The following XKR4 variants were observed in gnomAD, a reference collection of about 807,000 sequenced individuals.
The protein encoded by XKR4 is XK related 4.
Under a neutral mutation model 53.9 loss-of-function variants are expected in XKR4, and 12 were observed. That is an observed-to-expected ratio of 0.22 (90% CI 0.14 to 0.36). XKR4 has a LOEUF of 0.36. Ranked by LOEUF, XKR4 falls within the 10% of genes least tolerant of loss-of-function variation. The pLI, the probability that XKR4 is intolerant of heterozygous loss-of-function variation, is 1.00. For missense variants in XKR4, 799 were observed against 859.5 expected (o/e 0.93, Z 0.88); for synonymous variants, 354 against 362.4 (o/e 0.98, Z 0.26).
At chr8:55,269,185 A>G (rs942851662) in intron 1 of XKR4, among the ~76,000 whole-genome samples, 203 of 152,156 alleles carry the variant, frequency 1.3e-3, no homozygotes, top group African/African-American at 4.8e-3. Context: ...AGACAATGTA[A>G]TACATTTTTT....
At chr8:55,140,466 C>T (rs1203199806) in intron 1 of XKR4, among the ~76,000 whole-genome samples, 2 of 152,220 alleles carry the variant, frequency 1.3e-5, no homozygotes, top group Admixed American at 1.3e-4. Flanking sequence ...GCCTGCAGAT[C>T]TCAGTTTAAG....
At chr8:55,116,444 G>A (rs966697943) in intron 1 of XKR4, among the ~76,000 whole-genome samples, 1 of 152,158 alleles carries the variant, frequency 6.6e-6, no homozygotes, top group South Asian at 2.1e-4. Context: ...CAGGTTTACT[G>A]TAAGGAGAAA....
intron 1 of XKR4, among the ~76,000 whole-genome samples, chr8:55,305,280 A>T (rs1400422834): frequency 6.6e-6 from 1 of 152,198 alleles, no homozygotes; most frequent in Admixed American, 6.5e-5. Context: ...CATCTCTGTC[A>T]TTACAGAAAG....
intron 1 of XKR4, among the ~76,000 whole-genome samples, chr8:55,299,174 C>T (rs553247694): frequency 2.6e-5 from 4 of 152,250 alleles, no homozygotes; most frequent in South Asian, 4.1e-4. Flanking sequence ...ACCAGCCAGT[C>T]GTTTTATAGA....
intron 1 of XKR4, among the ~76,000 whole-genome samples, chr8:55,124,964 C>T (rs1486323364): frequency 6.6e-6 from 1 of 152,190 alleles, no homozygotes; most frequent in Non-Finnish European, 1.5e-5. Context: ...TTTGATAATT[C>T]ATCAGAGTAT....
intron 1 of XKR4, among the ~76,000 whole-genome samples, chr8:55,335,319 A>G (rs1279373604): frequency 6.6e-6 from 1 of 152,206 alleles, no homozygotes; most frequent in African/African-American, 2.4e-5. Flanking sequence ...TATTTGAAGT[A>G]GAGAGCTTCT....
At chr8:55,160,519 A>G (rs1284350034) in intron 1 of XKR4, among the ~76,000 whole-genome samples, 1 of 152,196 alleles carries the variant, frequency 6.6e-6, no homozygotes, top group Non-Finnish European at 1.5e-5. Context: ...GACAAGGTCT[A>G]GGGTGAGTCC....
At chr8:55,152,972 A>G (rs779739230) in intron 1 of XKR4, among the ~76,000 whole-genome samples, 2 of 152,186 alleles carry the variant, frequency 1.3e-5, no homozygotes, top group East Asian at 3.8e-4. Flanking sequence ...GTATGAACCC[A>G]GGGCTTTGGG....
chr8:55,407,234 G>A (rs926082283), intron 2 of XKR4, among the ~76,000 whole-genome samples: 1 of 146,486 alleles, frequency 6.8e-6, no homozygotes, highest in African/African-American at 2.8e-5. Context: ...GGCCAGCCTC[G>A]CATAGAGAGG....
At chr8:55,402,889 C>T (rs144450479) in intron 2 of XKR4, among the ~76,000 whole-genome samples, 3 of 152,280 alleles carry the variant, frequency 2.0e-5, no homozygotes, top group African/African-American at 7.2e-5. Context: ...GGCCCACAGA[C>T]CTGCCTAAGT....
intron 2 of XKR4, among the ~76,000 whole-genome samples, chr8:55,482,994 T>C (rs1173863623): frequency 1.3e-5 from 2 of 152,224 alleles, no homozygotes; most frequent in Non-Finnish European, 2.9e-5. Flanking sequence ...GCCCTGTTCA[T>C]AATAAACTGA....
intron 1 of XKR4, among the ~76,000 whole-genome samples, chr8:55,188,733 T>A (rs2129360712): frequency 6.6e-6 from 1 of 152,318 alleles, no homozygotes; most frequent in East Asian, 1.9e-4. Flanking sequence ...GACAAAATCA[T>A]GAAGATGCTT....
At chr8:55,241,569 C>T (rs1818211042) in intron 1 of XKR4, among the ~76,000 whole-genome samples, 1 of 152,064 alleles carries the variant, frequency 6.6e-6, no homozygotes, top group Admixed American at 6.6e-5. Context: ...ATGTTGTTTC[C>T]TGCCTAAAGG....
At position 55,540,112 on chromosome 8, in the gene XKR4, C is replaced by A. The variant is rs1807080017; in HGVS notation, c.*15885C>A. The stretch of plus-strand genomic sequence containing the variant: ...GGCTTTCCAGACCACATGGAACTCT[C>A]CAGAGCCCTCCTTGAAAGTTTTTAG... On this transcript the variant is annotated 3_prime_UTR_variant, in exon 3 of 3. Coordinates refer to ENST00000327381, the MANE Select transcript of XKR4 (RefSeq NM_052898.2). 1 of 152,190 alleles carries A rather than the reference C, an allele frequency of 6.6e-6. No individual in the cohort carries two copies. Among genetic ancestry groups the A allele is most frequent in the Non-Finnish European group, 1.5e-5 (1 of 68,028 alleles). 9.4% of individuals were successfully genotyped at this position (152,190 alleles called of 1,614,324 possible). A position where few individuals can be genotyped will look rare whatever the true frequency, so the allele number is the denominator to read the frequency against.
At chr8:55,349,651 A>C (rs2129383384) in intron 1 of XKR4, among the ~76,000 whole-genome samples, 1 of 152,352 alleles carries the variant, frequency 6.6e-6, no homozygotes, top group East Asian at 1.9e-4. Context: ...ATCACAGAAT[A>C]ATAAATACAA....
intron 2 of XKR4, among the ~76,000 whole-genome samples, chr8:55,431,304 A>G (rs1224646107): frequency 6.6e-6 from 1 of 152,218 alleles, no homozygotes; most frequent in African/African-American, 2.4e-5. Context: ...ATGTTAATAG[A>G]CATAATTTAT....
At chr8:55,417,348 G>A (rs937637080) in intron 2 of XKR4, among the ~76,000 whole-genome samples, 5 of 152,204 alleles carry the variant, frequency 3.3e-5, no homozygotes, top group African/African-American at 4.8e-5. Context: ...AAATGGCCAA[G>A]CATTTCATAA....
rs191522591 is a variant in XKR4, at chr8:55,117,015, G to A, written c.806+13721G>A. ...GTGAAGAAAAAAGATAATATCTATC[G>A]TATTATTTTTATTCTGATTTCACGT... is the stretch of plus-strand genomic sequence containing the variant. On this transcript the variant is annotated intron_variant, in intron 1 of 2. Transcript: ENST00000327381. Among the ~76,000 whole-genome samples the A allele has an allele frequency of 1.1e-3, 173 of 152,142 alleles. 1 individual carries two copies. Among genetic ancestry groups the A allele is most frequent in the African/African-American group, 4.0e-3 (165 of 41,512 alleles).
chr8:55,520,011 G>A (rs1806776764), intron 2 of XKR4, among the ~76,000 whole-genome samples: 1 of 152,204 alleles, frequency 6.6e-6, no homozygotes, highest in Non-Finnish European at 1.5e-5. Context: ...AATAGCTAAA[G>A]GAGTGCTCAG....
Sources: allele counts gnomAD v4.1 joint callset (sites outside exome capture counted in the v4.1 genomes callset), GRCh38; gene constraint gnomAD v4.1.1; transcripts MANE v1.5; gene names NCBI Gene and HGNC (gene_info 2026-07-23, HGNC 2026-07-21).